Variants in CFAP47 observed in about 807,000 individuals in gnomAD.
The protein encoded by CFAP47 is cilia- and flagella-associated protein 47.
A neutral mutation model predicts 148.1 loss-of-function variants in CFAP47; 29 were observed. The observed-to-expected ratio is 0.20, with a 90% CI of 0.15 to 0.27. The LOEUF (loss-of-function observed/expected upper bound fraction) is 0.27, where lower values mean the gene tolerates loss of function less well. CFAP47 is among the 10% of genes least tolerant of loss of function. The pLI is 1.00. For synonymous variants in CFAP47, 664 were observed against 577.3 expected (o/e 1.15, Z -2.15); for missense variants, 1,872 against 1,697.5 (o/e 1.10, Z -1.81).
intron 27 of CFAP47, among the ~76,000 whole-genome samples, chrX:36,068,599 G>A (rs984623976): frequency 9.0e-6 from 1 of 111,658 alleles, no homozygotes; most frequent in Non-Finnish European, 1.9e-5. Context: ...AGTTGGCAGA[G>A]TGGAGATATA....
In CFAP47 at chrX:36,216,786, C is replaced by T. The variant is rs150380162; in HGVS notation, c.6817+11676C>T. 7.8e-3 allele frequency among the ~76,000 whole-genome samples: 869 copies of T among 111,056 alleles called. 5 individuals carry two copies. Among genetic ancestry groups the T allele is most frequent in the African/African-American group, 0.021 (655 of 30,584 alleles). On this transcript the variant is annotated intron_variant, in intron 45 of 63. Coordinates refer to ENST00000378653, the MANE Select transcript of CFAP47 (RefSeq NM_001304548.2). ...GGTGGAGGCCACAAGACCAGATGAG[C>T]CAGTTTATCATCTGGCTCCTGGCAG...
intron 49 of CFAP47, among the ~76,000 whole-genome samples, chrX:36,253,362 G>A (rs1460205038): frequency 2.7e-5 from 3 of 111,293 alleles, no homozygotes; most frequent in Non-Finnish European, 5.7e-5. Flanking sequence ...CCTGTAAAAG[G>A]GAGCCTAGCT....
In CFAP47 at chrX:36,326,304, AACACACACACACAC is replaced by A. The variant is rs56939762; in HGVS notation, c.8443+7011_8443+7024del. ...TTTGGAATCAGCTAGCCAATTTCCAAACACACACACACACACACACACACACAAACGTGCTAGGA... is the reference window on the plus strand; with the variant it reads ...TTTGGAATCAGCTAGCCAATTTCCAAACACACACACACAAACGTGCTAGGA... On this transcript the variant is annotated intron_variant, in intron 57 of 63. Coordinates refer to ENST00000378653, the MANE Select transcript of CFAP47 (RefSeq NM_001304548.2). Among the ~76,000 whole-genome samples the A allele has an allele frequency of 5.4e-3, 560 of 103,545 alleles. 1 individual carries two copies. Among genetic ancestry groups the A allele is most frequent in the Non-Finnish European group, 8.7e-3 (439 of 50,554 alleles). The allele number at this position is 103,545 out of a possible 115,157, so 89.9% of individuals were successfully genotyped here. A position where few individuals can be genotyped will look rare whatever the true frequency, so the allele number is the denominator to read the frequency against.
At position 36,367,076 on chromosome X, in the gene CFAP47, T is replaced by C; in HGVS notation, c.9134T>C (p.Val3045Ala). Residue 3045 changes from valine to alanine, a missense_variant, in exon 62 of 64, where the codon GTT (valine) becomes GCT (alanine). Transcript: ENST00000378653. ...GATGCTGTCATTGACATTGAAGGAGTTGGTTTATTTAAGGAATCTGTTTTT... is the reference window on the plus strand; with the variant it reads ...GATGCTGTCATTGACATTGAAGGAGCTGGTTTATTTAAGGAATCTGTTTTT... ...DTDAVIDIEGVGLFKESVFEL... is the reference protein window; with the variant it reads ...DTDAVIDIEGAGLFKESVFEL... 8.6e-7 allele frequency: 1 copy of C among 1,158,292 alleles called. No individual in the cohort carries two copies. Among genetic ancestry groups the C allele is most frequent in the South Asian group, 1.9e-5 (1 of 51,289 alleles).
Position 36,252,769 on chromosome X carries a change from C to A in CFAP47, c.7444+1325C>A, listed in dbSNP as rs782282871. On this transcript the variant is annotated intron_variant, in intron 49 of 63. Transcript: ENST00000378653. ...TTTCCTTAATTTTAGAGTTTTAACT[C>A]GTCTTTTGTAAAAGGCAGCAAGTCA... 2.7e-5 allele frequency among the ~76,000 whole-genome samples: 3 copies of A among 111,794 alleles called. No homozygotes were observed. The South Asian group carries it at 1.1e-3, about 41-fold the overall frequency.
rs181217443 is a variant in CFAP47, at chrX:36,178,674, G to A, written c.6027-671G>A. ...CTTCTGAAGGTAGAATTAGCCATTC[G>A]TGACATGAATTTTCATGACATCTTT... On this transcript the variant is annotated intron_variant, in intron 39 of 63. Coordinates refer to ENST00000378653, the MANE Select transcript of CFAP47 (RefSeq NM_001304548.2). Among the ~76,000 whole-genome samples the A allele has an allele frequency of 8.9e-5, 10 of 111,790 alleles. No homozygotes were observed. The East Asian group carries it at 2.8e-3, about 32-fold the overall frequency.
intron 33 of CFAP47, among the ~76,000 whole-genome samples, chrX:36,130,399 G>C (rs1188275527): frequency 1.8e-5 from 2 of 111,169 alleles, no homozygotes; most frequent in Non-Finnish European, 3.8e-5. Context: ...AGTTAGAATG[G>C]CTTATATCCA....
chrX:36,180,378 G>A (rs1569282320), intron 40 of CFAP47, among the ~76,000 whole-genome samples: 1 of 111,903 alleles, frequency 8.9e-6, no homozygotes, highest in East Asian at 2.8e-4. Context: ...TAATGTAGAT[G>A]TCTATTAATG....
intron 21 of CFAP47, among the ~76,000 whole-genome samples, chrX:36,008,379 G>C (rs1937003119): frequency 9.0e-6 from 1 of 110,996 alleles, no homozygotes; most frequent in South Asian, 3.8e-4. Flanking sequence ...TTTTAAAATA[G>C]CATTTCCTAT....
intron 30 of CFAP47, among the ~76,000 whole-genome samples, chrX:36,097,397 G>T (rs1601975716): frequency 9.0e-6 from 1 of 111,120 alleles, no homozygotes; most frequent in African/African-American, 3.3e-5. Context: ...TCTGTTTGAA[G>T]TATTCCTGTT....
intron 45 of CFAP47, among the ~76,000 whole-genome samples, chrX:36,215,890 C>T (rs1940154613): frequency 8.9e-6 from 1 of 111,795 alleles, no homozygotes; most frequent in Non-Finnish European, 1.9e-5. Flanking sequence ...GGGAGGTCAA[C>T]TAGGGATGTT....
chrX:35,945,744 T>C (rs998328275), intron 3 of CFAP47, among the ~76,000 whole-genome samples: 2 of 111,483 alleles, frequency 1.8e-5, no homozygotes, highest in African/African-American at 3.3e-5. Context: ...ACCTAAATTA[T>C]TTTCCTGACG....
chrX:36,186,042 A>G (rs1555985560), intron 40 of CFAP47, among the ~76,000 whole-genome samples: 1 of 112,041 alleles, frequency 8.9e-6, no homozygotes, highest in African/African-American at 3.2e-5. Flanking sequence ...TTATCAAAAT[A>G]TTTTAAGAGT....
At chrX:36,146,090 A>G (rs945510559) in intron 36 of CFAP47, among the ~76,000 whole-genome samples, 3 of 111,824 alleles carry the variant, frequency 2.7e-5, no homozygotes, top group Non-Finnish European at 3.8e-5. Context: ...GCTAATTGCA[A>G]TGATATCCAA....
intron 49 of CFAP47, among the ~76,000 whole-genome samples, chrX:36,276,458 T>C (rs1190874061): frequency 8.9e-6 from 1 of 112,057 alleles, no homozygotes; most frequent in East Asian, 2.8e-4. Context: ...GTAATTTGAA[T>C]CTATATTTCC....
chrX:36,175,872 G>T (rs1214031894), intron 39 of CFAP47, among the ~76,000 whole-genome samples: 6 of 113,483 alleles, frequency 5.3e-5, no homozygotes, highest in Non-Finnish European at 9.4e-5. Flanking sequence ...AGCAAGCCTG[G>T]GCAATGGCGG....
intron 26 of CFAP47, among the ~76,000 whole-genome samples, chrX:36,054,763 G>A (rs1428029695): frequency 9.0e-6 from 1 of 110,756 alleles, no homozygotes; most frequent in Non-Finnish European, 1.9e-5. Context: ...ACTCATTCAA[G>A]CTCTTACTAT....
At chrX:36,350,193 T>G in intron 59 of CFAP47, 61 bp downstream of exon 59, 1 of 764,171 alleles carries the variant, frequency 1.3e-6, no homozygotes, top group Non-Finnish European at 1.9e-6. Flanking sequence ...TATTCTCTAT[T>G]CCCATCTTTT....
chrX:36,167,845 T>G (rs1339560291), intron 39 of CFAP47, among the ~76,000 whole-genome samples: 2 of 112,165 alleles, frequency 1.8e-5, no homozygotes, highest in Non-Finnish European at 3.8e-5. Flanking sequence ...AGATTTTTCT[T>G]AATTTCCTGT....
Sources: gnomAD v4.1 joint callset for allele counts (sites outside exome capture counted in the v4.1 genomes callset) on GRCh38, gnomAD v4.1.1 for gene constraint, MANE v1.5 for transcripts, NCBI Gene and HGNC (gene_info 2026-07-23, HGNC 2026-07-21) for gene names.